NTRK2: variants seen among roughly 807,000 people sequenced by gnomAD.
NTRK2 encodes the protein BDNF/NT-3 growth factors receptor.
A neutral mutation model predicts 94.5 loss-of-function variants in NTRK2; 13 were observed. That is an observed-to-expected ratio of 0.14 (90% CI 0.09 to 0.22). The LOEUF (loss-of-function observed/expected upper bound fraction) is 0.22, where lower values mean the gene tolerates loss of function less well. Ranked by LOEUF, NTRK2 falls within the 10% of genes least tolerant of loss-of-function variation. The pLI is 1.00. For missense variants in NTRK2, 639 were observed against 1,071.2 expected (o/e 0.60, Z 5.63); for synonymous variants, 372 against 407.4 (o/e 0.91, Z 1.05).
rs1329331792 is a variant in NTRK2, at chr9:84,706,515, TTTTTTG to T, written c.360-1317_360-1312del. Among the ~76,000 whole-genome samples, 1,058 of 112,206 alleles carry T rather than the reference TTTTTTG, an allele frequency of 9.4e-3. 6 individuals carry two copies. Among genetic ancestry groups the T allele is most frequent in the Middle Eastern group, 0.018 (4 of 218 alleles). 73.6% of individuals were successfully genotyped at this position (112,206 alleles called of 152,430 possible). On this transcript the variant is annotated intron_variant, in intron 4 of 18. Coordinates refer to ENST00000277120, the MANE Select transcript of NTRK2 (RefSeq NM_006180.6). Reference sequence around the variant, plus strand: ...TCACCCTCAGATCTCATGTGTGTTATTTTTTGTTTTTGTTTTTTTTTTTTTTTTTTT... The same window carrying T: ...TCACCCTCAGATCTCATGTGTGTTATTTTTTGTTTTTTTTTTTTTTTTTTT...
chr9:85,012,350 T>C (rs896087001), intron 17 of NTRK2, among the ~76,000 whole-genome samples: 3 of 152,098 alleles, frequency 2.0e-5, no homozygotes, highest in African/African-American at 7.2e-5. Context: ...ATTCACCCTT[T>C]TCAGTACACA....
intron 14 of NTRK2, among the ~76,000 whole-genome samples, chr9:84,895,421 C>A (rs2076729000): frequency 6.6e-6 from 1 of 152,094 alleles, no homozygotes; most frequent in Non-Finnish European, 1.5e-5. Flanking sequence ...ATACTTCATC[C>A]CGGCAGCCAG....
chr9:84,709,769 A>C (rs2061317896), intron 5 of NTRK2, among the ~76,000 whole-genome samples: 1 of 152,212 alleles, frequency 6.6e-6, no homozygotes, highest in South Asian at 2.1e-4. Context: ...TGAGTATTAC[A>C]AATAAGCATT....
intron 14 of NTRK2, among the ~76,000 whole-genome samples, chr9:84,885,625 A>G (rs2076390484): frequency 6.6e-6 from 1 of 152,248 alleles, no homozygotes; most frequent in Non-Finnish European, 1.5e-5. Context: ...AAAGAAGGTA[A>G]GGAAGGGTTA....
intron 6 of NTRK2, among the ~76,000 whole-genome samples, chr9:84,716,215 C>T (rs2061700648): frequency 3.3e-5 from 5 of 152,088 alleles, no homozygotes; most frequent in Admixed American, 3.3e-4. Context: ...GATTTCCTTC[C>T]TATTTATTAG....
rs1587820808 is a variant in NTRK2, at chr9:84,671,057, G to T, written c.212+97G>T. 3 of 1,170,392 alleles carry T rather than the reference G, an allele frequency of 2.6e-6. 1 individual carries two copies. The East Asian group carries it at 7.4e-5, about 29-fold the overall frequency. The allele number at this position is 1,170,392 out of a possible 1,614,324, so 72.5% of individuals were successfully genotyped here. On this transcript the variant is annotated intron_variant, in intron 2 of 18. Coordinates refer to ENST00000277120, the MANE Select transcript of NTRK2 (RefSeq NM_006180.6). The stretch of plus-strand genomic sequence containing the variant: ...TGGAAGTGAATGCTGTCCCAAGAGT[G>T]GGGAGAAGTCAAAGACAAGGGATGC...
intron 17 of NTRK2, among the ~76,000 whole-genome samples, chr9:84,995,688 A>G (rs1250887211): frequency 6.6e-6 from 1 of 152,162 alleles, no homozygotes; most frequent in Non-Finnish European, 1.5e-5. Context: ...CACTAAATAT[A>G]CTACATATAT....
At chr9:84,802,477 C>T (rs140184030) in intron 12 of NTRK2, among the ~76,000 whole-genome samples, 42 of 152,314 alleles carry the variant, frequency 2.8e-4, no homozygotes, top group African/African-American at 1.0e-3. Context: ...GAGGTTGGCA[C>T]ACGCCCCGCT....
At chr9:84,669,121 T>C (rs1366256995), upstream of NTRK2, among the ~76,000 whole-genome samples, 1 of 152,056 alleles carries the variant, frequency 6.6e-6, no homozygotes, top group East Asian at 1.9e-4. The surrounding 1 kb of genome is among the most constrained non-coding windows in gnomAD (Gnocchi z 4.1). Context: ...GATCCCCAAA[T>C]AGGTGGCCCG....
intron 14 of NTRK2, among the ~76,000 whole-genome samples, chr9:84,932,979 C>T (rs1372461832): frequency 1.3e-5 from 2 of 152,336 alleles, no homozygotes; most frequent in Non-Finnish European, 2.9e-5. Flanking sequence ...ATCAGACAGA[C>T]TCGGGTTCAA....
intron 12 of NTRK2, among the ~76,000 whole-genome samples, chr9:84,835,392 C>T (rs542688512): frequency 6.6e-6 from 1 of 152,234 alleles, no homozygotes; most frequent in South Asian, 2.1e-4. Context: ...AATGAGCCCC[C>T]ACTCCAAAAG....
chr9:84,982,815 A>T (rs1827808935), intron 17 of NTRK2, among the ~76,000 whole-genome samples: 1 of 152,238 alleles, frequency 6.6e-6, no homozygotes, highest in African/African-American at 2.4e-5. Flanking sequence ...AATTTCAAAG[A>T]TATGATATAT....
intron 12 of NTRK2, among the ~76,000 whole-genome samples, chr9:84,788,750 G>A (rs2068402771): frequency 6.6e-6 from 1 of 152,086 alleles, no homozygotes; most frequent in African/African-American, 2.4e-5. Flanking sequence ...GGCCTGGGAT[G>A]GGCCTAAAGT....
At chr9:84,738,748 C>T (rs938789595) in intron 9 of NTRK2, among the ~76,000 whole-genome samples, 1 of 152,034 alleles carries the variant, frequency 6.6e-6, no homozygotes, top group Non-Finnish European at 1.5e-5. Flanking sequence ...GTGAGTAGAC[C>T]TTTGTCAGAC....
At chr9:84,851,079 C>T (rs2074743865) in intron 12 of NTRK2, among the ~76,000 whole-genome samples, 1 of 152,156 alleles carries the variant, frequency 6.6e-6, no homozygotes, top group South Asian at 2.1e-4. Flanking sequence ...CTGTCCTATG[C>T]ATTGTCCCTG....
chr9:84,923,104 C>A (rs2077621305), intron 14 of NTRK2, among the ~76,000 whole-genome samples: 1 of 152,162 alleles, frequency 6.6e-6, no homozygotes, highest in Admixed American at 6.5e-5. Flanking sequence ...TGAGCCTCTG[C>A]CTTCTATGGA....
chr9:84,744,539 T>C (rs1409495908), intron 10 of NTRK2, among the ~76,000 whole-genome samples: 1 of 152,072 alleles, frequency 6.6e-6, no homozygotes, highest in Non-Finnish European at 1.5e-5. Context: ...CTTCACCTGG[T>C]CATGTAACTT....
intron 6 of NTRK2, among the ~76,000 whole-genome samples, chr9:84,712,798 T>C (rs1055279828): frequency 2.6e-5 from 4 of 152,234 alleles, no homozygotes; most frequent in Non-Finnish European, 5.9e-5. Context: ...TCAGTAGTCA[T>C]AGATCTGTCA....
chr9:85,006,073 G>A (rs556985759), intron 17 of NTRK2, among the ~76,000 whole-genome samples: 25 of 152,288 alleles, frequency 1.6e-4, no homozygotes, highest in Non-Finnish European at 2.8e-4. Context: ...ATAAGTGAAT[G>A]TTATCAAAAT....
Sources: allele counts gnomAD v4.1 joint callset (sites outside exome capture counted in the v4.1 genomes callset), GRCh38; gene constraint gnomAD v4.1.1; non-coding constraint Gnocchi (gnomAD v3.1); transcripts MANE v1.5; gene names NCBI Gene and HGNC (gene_info 2026-07-23, HGNC 2026-07-21).